The following DKK2 variants were observed in gnomAD, a reference collection of about 807,000 sequenced individuals.
DKK2 encodes the protein dickkopf Wnt signaling pathway inhibitor 2.
In DKK2, 11 loss-of-function variants were observed where a neutral mutation model predicts 28.1. That is an observed-to-expected ratio of 0.39 (90% CI 0.25 to 0.65). The LOEUF (loss-of-function observed/expected upper bound fraction) is 0.65, where lower values mean the gene tolerates loss of function less well. DKK2 is among the 30% of genes least tolerant of loss of function. The probability of loss-of-function intolerance (pLI) is 0.47; values close to 1 mark genes in which losing one functional copy is unlikely to be tolerated. For missense variants in DKK2, 326 were observed against 335.5 expected (o/e 0.97, Z 0.22); for synonymous variants, 135 against 126.5 (o/e 1.07, Z -0.45).
At chr4:106,947,039 A>C (rs1043470660) in intron 1 of DKK2, among the ~76,000 whole-genome samples, 1 of 152,080 alleles carries the variant, frequency 6.6e-6, no homozygotes, top group Non-Finnish European at 1.5e-5. Context: ...AGGCAGAACC[A>C]AACCATTGCT....
intron 1 of DKK2, among the ~76,000 whole-genome samples, chr4:106,996,112 G>A (rs552654032): frequency 5.3e-5 from 8 of 152,290 alleles, no homozygotes; most frequent in Middle Eastern, 3.4e-3. Context: ...CCTTTCATTT[G>A]CAATGAAAGT....
intron 1 of DKK2, among the ~76,000 whole-genome samples, chr4:106,932,490 G>A (rs1724518645): frequency 6.6e-6 from 1 of 152,080 alleles, no homozygotes; most frequent in African/African-American, 2.4e-5. Flanking sequence ...ATTGATCATG[G>A]GATGAATGGA....
At chr4:106,933,475 A>T (rs192402783) in intron 1 of DKK2, among the ~76,000 whole-genome samples, 3 of 152,302 alleles carry the variant, frequency 2.0e-5, no homozygotes, top group African/African-American at 7.2e-5. Context: ...ATAACACATA[A>T]CACACACACC....
chr4:106,992,396 T>G (rs1377250116), intron 1 of DKK2, among the ~76,000 whole-genome samples: 1 of 152,228 alleles, frequency 6.6e-6, no homozygotes, highest in African/African-American at 2.4e-5. Context: ...ATAGGAACAC[T>G]TCTTCATGCC....
At chr4:106,998,180 A>G (rs1334901714) in intron 1 of DKK2, among the ~76,000 whole-genome samples, 1 of 152,156 alleles carries the variant, frequency 6.6e-6, no homozygotes, top group Non-Finnish European at 1.5e-5. Flanking sequence ...AGTTGCCAAG[A>G]TATCTTGTTT....
chr4:106,978,070 C>A (rs528670377), intron 1 of DKK2, among the ~76,000 whole-genome samples: 1 of 152,316 alleles, frequency 6.6e-6, no homozygotes, highest in Admixed American at 6.5e-5. Context: ...CCAGCAGAGG[C>A]TGCAGAACAG....
At position 106,983,043 on chromosome 4, in the gene DKK2, AAAG is replaced by A. The variant is rs1278751002; in HGVS notation, c.222+52324_222+52326del. ...AAGGAAGGAAGAAGAAAGATGAAAGAAAGAAAGAAAGAGAAAAGAAAGAAAGAA... is the reference window on the plus strand; with the variant it reads ...AAGGAAGGAAGAAGAAAGATGAAAGAAAAGAAAGAGAAAAGAAAGAAAGAA... On this transcript the variant is annotated intron_variant, in intron 1 of 3. Transcript: ENST00000285311. 4.0e-5 allele frequency among the ~76,000 whole-genome samples: 6 copies of A among 151,652 alleles called. No individual in the cohort carries two copies. In the East Asian group the frequency reaches 7.7e-4, roughly 20 times the overall value.
intron 1 of DKK2, among the ~76,000 whole-genome samples, chr4:106,955,647 T>G (rs1218841493): frequency 6.6e-6 from 1 of 152,116 alleles, no homozygotes; most frequent in African/African-American, 2.4e-5. Flanking sequence ...ACATGATAGG[T>G]CATGGAAACC....
At chr4:107,024,347 TA>T (rs1723740287) in intron 1 of DKK2, among the ~76,000 whole-genome samples, 2 of 152,154 alleles carry the variant, frequency 1.3e-5, no homozygotes, top group African/African-American at 4.8e-5. Flanking sequence ...AAGCTGTTTG[TA>T]GCCTGCCTGC....
intron 1 of DKK2, among the ~76,000 whole-genome samples, chr4:106,946,044 G>C (rs1335018497): frequency 6.6e-6 from 1 of 152,068 alleles, no homozygotes; most frequent in African/African-American, 2.4e-5. Context: ...GGAAACTACA[G>C]ATATTTTGCA....
intron 1 of DKK2, among the ~76,000 whole-genome samples, chr4:106,988,204 A>G (rs911617548): frequency 1.3e-5 from 2 of 152,172 alleles, no homozygotes; most frequent in African/African-American, 4.8e-5. Context: ...ACTGAGGTGT[A>G]AAGAGGTGAA....
intron 1 of DKK2, among the ~76,000 whole-genome samples, chr4:107,018,560 C>T (rs899868289): frequency 3.3e-5 from 5 of 151,958 alleles, no homozygotes; most frequent in Non-Finnish European, 5.9e-5. Flanking sequence ...TTTAGTCAGC[C>T]GTTGGCTTTT....
intron 1 of DKK2, among the ~76,000 whole-genome samples, chr4:106,929,121 GA>G (rs1342071795): frequency 2.0e-5 from 3 of 152,116 alleles, no homozygotes; most frequent in Non-Finnish European, 2.9e-5. Flanking sequence ...ATGGCTTTGT[GA>G]CAAGCAACAA....
chr4:106,950,566 A>C (rs1202845649), intron 1 of DKK2, among the ~76,000 whole-genome samples: 1 of 151,928 alleles, frequency 6.6e-6, no homozygotes, highest in Admixed American at 6.6e-5. Flanking sequence ...TAGTGCTTCT[A>C]GGTTCTTTCT....
At position 106,954,156 on chromosome 4, in the gene DKK2, G is replaced by A. The variant is rs546183587; in HGVS notation, c.223-28207C>T. 3.3e-5 allele frequency among the ~76,000 whole-genome samples: 5 copies of A among 152,292 alleles called. No individual in the cohort carries two copies. In the South Asian group the frequency reaches 1.0e-3, roughly 32 times the overall value. On this transcript the variant is annotated intron_variant, in intron 1 of 3. Transcript: ENST00000285311. ...AGAGTAGAAAATAACCTGCAGGATGGAAAGTTGTCTCCTCTCCCAGATGTA... is the reference window on the plus strand; with the variant it reads ...AGAGTAGAAAATAACCTGCAGGATGAAAAGTTGTCTCCTCTCCCAGATGTA...
intron 1 of DKK2, among the ~76,000 whole-genome samples, chr4:106,952,403 A>C (rs1354437455): frequency 6.6e-6 from 1 of 152,158 alleles, no homozygotes; most frequent in Non-Finnish European, 1.5e-5. Context: ...GATATCACCT[A>C]GCATGATAGT....
At chr4:106,968,095 A>G (rs1312441437) in intron 1 of DKK2, among the ~76,000 whole-genome samples, 1 of 150,832 alleles carries the variant, frequency 6.6e-6, no homozygotes, top group Non-Finnish European at 1.5e-5. Flanking sequence ...AAAAGGAGGA[A>G]GGGAGAAAGG....
chr4:106,998,000 A>C (rs535166405), intron 1 of DKK2, among the ~76,000 whole-genome samples: 227 of 152,324 alleles, frequency 1.5e-3, no homozygotes, highest in Middle Eastern at 3.4e-3. Context: ...TCTTGTTTCT[A>C]GAATTACAGT....
chr4:106,958,837 CAA>C (rs767389620), intron 1 of DKK2, among the ~76,000 whole-genome samples: 78 of 67,018 alleles, frequency 1.2e-3, no homozygotes, highest in African/African-American at 3.3e-3. Flanking sequence ...AACTCAATCT[CAA>C]AAAAAAAAAA....
Sources: gnomAD v4.1 joint callset for allele counts (sites outside exome capture counted in the v4.1 genomes callset) on GRCh38, gnomAD v4.1.1 for gene constraint, MANE v1.5 for transcripts, NCBI Gene and HGNC (gene_info 2026-07-23, HGNC 2026-07-21) for gene names.